The following CNBD1 variants were observed in gnomAD, a reference collection of about 807,000 sequenced individuals.
The protein encoded by CNBD1 is cyclic nucleotide-binding domain-containing protein 1.
A neutral mutation model predicts 54.4 loss-of-function variants in CNBD1; 71 were observed. The ratio of observed to expected loss-of-function variants is 1.30; its 90% CI spans 1.08 to 1.59. The LOEUF (loss-of-function observed/expected upper bound fraction) is 1.59. Among genes scored for constraint, CNBD1 ranks in the 40% most tolerant of loss-of-function variants. The probability of loss-of-function intolerance (pLI) is 0.00; values close to 1 mark genes in which losing one functional copy is unlikely to be tolerated. For synonymous variants in CNBD1, 182 were observed against 170.7 expected (o/e 1.07, Z -0.51); for missense variants, 659 against 518.0 (o/e 1.27, Z -2.64).
At chr8:86,911,474 A>G (rs191435172) in intron 3 of CNBD1, among the ~76,000 whole-genome samples, 2 of 152,322 alleles carry the variant, frequency 1.3e-5, no homozygotes, top group Non-Finnish European at 2.9e-5. Context: ...TTTTATTGAT[A>G]CATAGTAGAT....
intron 2 of CNBD1, among the ~76,000 whole-genome samples, chr8:87,395,851 T>G (rs1305794693): frequency 2.0e-5 from 3 of 151,886 alleles, no homozygotes; most frequent in Admixed American, 6.6e-5. Flanking sequence ...CTGTCAGCGT[T>G]ATAGTGAGTG....
At chr8:87,093,221 A>T (rs1421595237) in intron 4 of CNBD1, among the ~76,000 whole-genome samples, 1 of 152,184 alleles carries the variant, frequency 6.6e-6, no homozygotes, top group Non-Finnish European at 1.5e-5. Flanking sequence ...TTCGTGGGAA[A>T]CTTGGGTTGT....
At chr8:87,032,989 C>T (rs1268192270) in intron 4 of CNBD1, among the ~76,000 whole-genome samples, 1 of 152,136 alleles carries the variant, frequency 6.6e-6, no homozygotes, top group Non-Finnish European at 1.5e-5. Context: ...TTTGCTGTAT[C>T]GACAATCTCT....
chr8:86,877,088 A>C (rs1337494005), intron 1 of CNBD1, among the ~76,000 whole-genome samples: 1 of 152,064 alleles, frequency 6.6e-6, no homozygotes, highest in East Asian at 1.9e-4. Flanking sequence ...ATTTTGTTGC[A>C]ACAAATATTT....
At chr8:87,394,753 G>C (rs1002757401) in intron 2 of CNBD1, among the ~76,000 whole-genome samples, 1 of 151,786 alleles carries the variant, frequency 6.6e-6, no homozygotes, top group South Asian at 2.1e-4. Context: ...ATTGTTTTAA[G>C]TTTAAGATAA....
In CNBD1 at chr8:87,256,488, C is replaced by T. The variant is rs75484036; in HGVS notation, c.771+19376C>T. ...AACCTGAGCAGTGAAGAGCTTCACT[C>T]GTCCCAGGTTGCTGTGAAGACTGAT... On this transcript the variant is annotated intron_variant, in intron 6 of 10. Transcript: ENST00000518476. Among the ~76,000 whole-genome samples, 377 of 152,078 alleles carry T rather than the reference C, an allele frequency of 2.5e-3. 1 individual carries two copies. Among genetic ancestry groups the T allele is most frequent in the African/African-American group, 8.7e-3 (362 of 41,498 alleles).
chr8:87,216,468 C>A (rs995751280), intron 5 of CNBD1, among the ~76,000 whole-genome samples: 10 of 152,216 alleles, frequency 6.6e-5, no homozygotes, highest in African/African-American at 2.4e-4. Context: ...CTTTGCATAA[C>A]ATACTGTGTG....
chr8:87,388,518 C>T (rs112520756), intron 2 of CNBD1, among the ~76,000 whole-genome samples: 25,155 of 152,044 alleles, frequency 0.17, 2,938 homozygotes, highest in African/African-American at 0.34. Flanking sequence ...GGATAAATTC[C>T]TCGACACATA....
intron 4 of CNBD1, among the ~76,000 whole-genome samples, chr8:86,967,847 C>T (rs1394641963): frequency 2.0e-5 from 3 of 149,646 alleles, no homozygotes; most frequent in Non-Finnish European, 4.4e-5. Flanking sequence ...GTTGTTTTTG[C>T]CTGCTAGTAG....
intron 4 of CNBD1, among the ~76,000 whole-genome samples, chr8:87,111,109 C>T (rs1004245566): frequency 3.3e-5 from 5 of 152,278 alleles, no homozygotes; most frequent in African/African-American, 1.2e-4. Context: ...CTGCAATTAA[C>T]CCTAGGATGT....
intron 4 of CNBD1, among the ~76,000 whole-genome samples, chr8:87,022,194 G>A (rs1252327792): frequency 2.0e-5 from 3 of 152,144 alleles, no homozygotes; most frequent in Admixed American, 6.5e-5. Context: ...AGGAAGCAAC[G>A]GGCAACACAG....
At chr8:87,263,835 A>G (rs1808193004) in intron 6 of CNBD1, among the ~76,000 whole-genome samples, 1 of 152,172 alleles carries the variant, frequency 6.6e-6, no homozygotes, top group Non-Finnish European at 1.5e-5. Flanking sequence ...CAGGCAACAG[A>G]GAAGATATAC....
At chr8:87,385,804 C>T (rs1006795782), downstream of CNBD1, among the ~76,000 whole-genome samples, 10 of 152,266 alleles carry the variant, frequency 6.6e-5, no homozygotes, top group South Asian at 2.1e-4. Context: ...GATCTGAGAA[C>T]GGACAGACTG....
intron 1 of CNBD1, among the ~76,000 whole-genome samples, chr8:86,867,820 G>A (rs1808385879): frequency 6.6e-6 from 1 of 152,192 alleles, no homozygotes; most frequent in Non-Finnish European, 1.5e-5. Flanking sequence ...AATGAGATGA[G>A]ATTTGTGCTA....
intron 3 of CNBD1, among the ~76,000 whole-genome samples, chr8:86,906,785 C>T (rs1036961457): frequency 6.6e-6 from 1 of 152,152 alleles, no homozygotes; most frequent in East Asian, 1.9e-4. Flanking sequence ...TTCAGGGAGG[C>T]ACCCAGTGGC....
At chr8:87,340,239 G>A (rs538825646) in intron 8 of CNBD1, among the ~76,000 whole-genome samples, 2 of 152,132 alleles carry the variant, frequency 1.3e-5, no homozygotes, top group Non-Finnish European at 2.9e-5. Flanking sequence ...TGAGAAATCT[G>A]CTGATGGTCG....
chr8:87,402,812 G>T (rs2130978523), intron 2 of CNBD1, among the ~76,000 whole-genome samples: 1 of 152,202 alleles, frequency 6.6e-6, no homozygotes, highest in African/African-American at 2.4e-5. Context: ...ATGTGAAAAT[G>T]AGAGCAGAAA....
chr8:87,151,492 G>A (rs1812602535), intron 4 of CNBD1, among the ~76,000 whole-genome samples: 1 of 152,082 alleles, frequency 6.6e-6, no homozygotes, highest in Non-Finnish European at 1.5e-5. Flanking sequence ...GTTAAGTTTT[G>A]CAAAGAAAAT....
intron 8 of CNBD1, among the ~76,000 whole-genome samples, chr8:87,307,655 T>A (rs568863748): frequency 5.9e-5 from 9 of 151,812 alleles, no homozygotes; most frequent in Admixed American, 5.9e-4. Flanking sequence ...GGAGAATCGC[T>A]TGAACCTGGG....
Sources: allele counts gnomAD v4.1 joint callset (sites outside exome capture counted in the v4.1 genomes callset), GRCh38; gene constraint gnomAD v4.1.1; transcripts MANE v1.5; gene names NCBI Gene and HGNC (gene_info 2026-07-23, HGNC 2026-07-21).